Variants in SGCE observed in about 807,000 individuals in gnomAD.
SGCE encodes epsilon-sarcoglycan.
SGCE carries 26 observed loss-of-function variants against 57.8 expected under a neutral mutation model. That is an observed-to-expected ratio of 0.45 (90% CI 0.33 to 0.62). The LOEUF (loss-of-function observed/expected upper bound fraction) is 0.62, where lower values mean the gene tolerates loss of function less well. Ranked by LOEUF, SGCE falls within the 20% of genes least tolerant of loss-of-function variation. The pLI is 0.02. For synonymous variants in SGCE, 183 were observed against 189.5 expected (o/e 0.97, Z 0.28); for missense variants, 468 against 548.6 (o/e 0.85, Z 1.47).
At chr7:94,587,380 C>A (rs1032331918) in intron 10 of SGCE, 1 of 1,077,290 alleles carries the variant, frequency 9.3e-7, no homozygotes, top group Non-Finnish European at 1.1e-6. Flanking sequence ...CTAGAAATTG[C>A]CTGCTTCCTA....
chr7:94,608,259 C>T (rs1800467819), intron 5 of SGCE, among the ~76,000 whole-genome samples: 1 of 152,146 alleles, frequency 6.6e-6, no homozygotes, highest in Admixed American at 6.5e-5. Flanking sequence ...GGGGTTGAAC[C>T]CAGGAGGCAG....
intron 1 of SGCE, among the ~76,000 whole-genome samples, chr7:94,645,833 A>G (rs1171307790): frequency 1.3e-5 from 2 of 152,216 alleles, no homozygotes; most frequent in African/African-American, 4.8e-5. Flanking sequence ...TTTACTCTTC[A>G]ACTAATTTGA....
intron 9 of SGCE, among the ~76,000 whole-genome samples, chr7:94,594,170 A>G (rs907777263): frequency 1.6e-4 from 25 of 152,146 alleles, no homozygotes; most frequent in Non-Finnish European, 7.4e-5. Flanking sequence ...AATACGTAAT[A>G]GATTTTTGAT....
chr7:94,629,522 T>G, intron 2 of SGCE, 197 bp downstream of exon 2: 1 of 533,854 alleles, frequency 1.9e-6, no homozygotes, highest in South Asian at 2.1e-5. Flanking sequence ...ATGCTTTCCT[T>G]AACATTCAAA....
intron 1 of SGCE, chr7:94,639,372 G>A (rs1806063887): frequency 1.3e-6 from 2 of 1,534,806 alleles, no homozygotes; most frequent in African/African-American, 1.4e-5. Flanking sequence ...TTTTTCTGCT[G>A]ATAATAAAAT....
At position 94,617,660 on chromosome 7, in the gene SGCE, A is replaced by G. The variant is rs1354284042; in HGVS notation, c.662+1098T>C. 1.3e-5 allele frequency: 2 copies of G among 152,290 alleles called. 1 individual carries two copies. The highest frequency in any genetic ancestry group is 4.8e-5 in the African/African-American group (2 of 41,568). The allele number at this position is 152,290 out of a possible 1,614,324, so 9.4% of individuals were successfully genotyped here. ...TACATAGACAAGAGATAAAGCAACC[A>G]TTTTCCTCAAAGGACTTCTATGTAT... On this transcript the variant is annotated intron_variant, in intron 5 of 10. Transcript: ENST00000648936.
intron 5 of SGCE, among the ~76,000 whole-genome samples, chr7:94,611,192 A>G (rs539719877): frequency 6.6e-6 from 1 of 152,372 alleles, no homozygotes; most frequent in East Asian, 1.9e-4. Context: ...AAAGACTTGT[A>G]CATGAATGTT....
chr7:94,604,666 A>G (rs1268441065), intron 5 of SGCE, among the ~76,000 whole-genome samples: 7 of 151,490 alleles, frequency 4.6e-5, no homozygotes, highest in African/African-American at 1.7e-4. Flanking sequence ...ATGGTGCTGG[A>G]AAAACTGGAT....
chr7:94,639,433 C>T, intron 1 of SGCE: 1 of 1,530,828 alleles, frequency 6.5e-7, no homozygotes, highest in African/African-American at 1.4e-5. Context: ...GCCATCAGCA[C>T]AGCTTAATAA....
chr7:94,635,483 C>A (rs149363209), intron 1 of SGCE, among the ~76,000 whole-genome samples: 73 of 152,258 alleles, frequency 4.8e-4, no homozygotes, highest in African/African-American at 1.7e-3. Context: ...TAATACTTCT[C>A]GTCTCATATT....
chr7:94,589,772 C>G (rs775677156), intron 9 of SGCE: 29 of 188,888 alleles, frequency 1.5e-4, no homozygotes, highest in Non-Finnish European at 2.6e-4. Flanking sequence ...ATGGTACTGT[C>G]TAGTTGCAGG....
intron 9 of SGCE, chr7:94,597,178 T>C (rs185664161): frequency 1.3e-5 from 2 of 152,300 alleles, no homozygotes; most frequent in East Asian, 3.9e-4. Context: ...CCCTGATATA[T>C]TAATGTTTCA....
At chr7:94,639,470 T>G in intron 1 of SGCE, 1 of 1,379,840 alleles carries the variant, frequency 7.2e-7, no homozygotes, top group Admixed American at 2.1e-5. Flanking sequence ...AAAACAAATG[T>G]ACAAAAAAAT....
In SGCE at chr7:94,588,744, G is replaced by T. The variant is rs1245097146; in HGVS notation, c.1254-12C>A. ...GATGTGGCAAGTTCCTAGAAATGATGAACATTTTTGAGTAAAACTGTTTGT... is the reference window on the plus strand; with the variant it reads ...GATGTGGCAAGTTCCTAGAAATGATTAACATTTTTGAGTAAAACTGTTTGT... On this transcript the variant is annotated splice_polypyrimidine_tract_variant and intron_variant, in intron 9 of 10. Transcript: ENST00000648936. 6.2e-7 allele frequency: 1 copy of T among 1,613,160 alleles called. No individual in the cohort carries two copies. Among genetic ancestry groups the T allele is most frequent in the South Asian group, 1.1e-5 (1 of 91,042 alleles).
chr7:94,595,295 A>G (rs773748702), intron 9 of SGCE, among the ~76,000 whole-genome samples: 29 of 152,188 alleles, frequency 1.9e-4, no homozygotes, highest in Non-Finnish European at 3.5e-4. Flanking sequence ...ACTTGTTTAA[A>G]GGAACAAACT....
chr7:94,610,488 C>A (rs1584591001), intron 5 of SGCE, among the ~76,000 whole-genome samples: 1 of 151,220 alleles, frequency 6.6e-6, no homozygotes, highest in African/African-American at 2.4e-5. Flanking sequence ...TTCTATAAAC[C>A]TAAAAATTCT....
intron 1 of SGCE, among the ~76,000 whole-genome samples, chr7:94,644,357 T>C (rs1434951230): frequency 1.3e-5 from 2 of 152,210 alleles, no homozygotes; most frequent in Non-Finnish European, 2.9e-5. Flanking sequence ...CTACATTTCA[T>C]CTGGCCTGGG....
chr7:94,586,060 T>TG (rs1357207124), intron 10 of SGCE, among the ~76,000 whole-genome samples: 18 of 5,940 alleles, frequency 3.0e-3, no homozygotes, highest in Non-Finnish European at 4.1e-3. Flanking sequence ...AGGAACTAAA[T>TG]GAAAAAAAAA....
chr7:94,615,810 G>C (rs1468691362), intron 5 of SGCE, among the ~76,000 whole-genome samples: 1 of 152,138 alleles, frequency 6.6e-6, no homozygotes, highest in Non-Finnish European at 1.5e-5. Context: ...TGGCAGCCAT[G>C]ACATGCCTGG....
Sources: allele counts gnomAD v4.1 joint callset (sites outside exome capture counted in the v4.1 genomes callset), GRCh38; gene constraint gnomAD v4.1.1; transcripts MANE v1.5; gene names NCBI Gene and HGNC (gene_info 2026-07-23, HGNC 2026-07-21).